TMC7: variants seen among roughly 807,000 people sequenced by gnomAD.
The protein encoded by TMC7 is transmembrane channel-like protein 7.
A neutral mutation model predicts 82.9 loss-of-function variants in TMC7; 54 were observed. The observed-to-expected ratio is 0.65, with a 90% CI of 0.52 to 0.82. The LOEUF (loss-of-function observed/expected upper bound fraction) is 0.82. Among genes scored for constraint, TMC7 ranks in the 40% least tolerant of loss-of-function variants. The probability of loss-of-function intolerance (pLI) is 0.00; values close to 1 mark genes in which losing one functional copy is unlikely to be tolerated. For synonymous variants in TMC7, 350 were observed against 337.9 expected (o/e 1.04, Z -0.39); for missense variants, 820 against 901.2 (o/e 0.91, Z 1.15).
At chr16:19,023,836 G>T (rs1960100387) in intron 5 of TMC7, among the ~76,000 whole-genome samples, 1 of 152,182 alleles carries the variant, frequency 6.6e-6, no homozygotes, top group South Asian at 2.1e-4. Context: ...CAGATAGAAT[G>T]TTTACAATTT....
intron 1 of TMC7, among the ~76,000 whole-genome samples, chr16:18,991,905 G>C (rs535532286): frequency 5.9e-5 from 9 of 152,306 alleles, no homozygotes; most frequent in Middle Eastern, 3.4e-3. Context: ...CGTCATCCAT[G>C]TTGCTACAAA....
chr16:19,061,283 G>C (rs1290772984), intron 15 of TMC7, among the ~76,000 whole-genome samples: 2 of 152,160 alleles, frequency 1.3e-5, no homozygotes. Context: ...AAAGTGCTGA[G>C]ATTACAGGCG....
At chr16:19,031,229 C>T (rs1960502080) in intron 6 of TMC7, among the ~76,000 whole-genome samples, 1 of 152,310 alleles carries the variant, frequency 6.6e-6, no homozygotes, top group African/African-American at 2.4e-5. Flanking sequence ...TTAGAAAAGA[C>T]TTGTTGTATC....
rs1961780059 is a variant in TMC7, at chr16:19,056,531, T to G, written c.1872-11T>G. 3.1e-6 allele frequency: 5 copies of G among 1,612,102 alleles called. No homozygotes were observed. The highest frequency in any genetic ancestry group is 4.2e-6 in the Non-Finnish European group (5 of 1,179,082). ...CGCTCCTTCTGAGCCCGTTGGTCTGTGTCCTGGCAGCATCCCTTCCTCGAA... is the reference window on the plus strand; with the variant it reads ...CGCTCCTTCTGAGCCCGTTGGTCTGGGTCCTGGCAGCATCCCTTCCTCGAA... On this transcript the variant is annotated splice_polypyrimidine_tract_variant and intron_variant, in intron 13 of 15. Transcript: ENST00000304381.
In TMC7 at chr16:18,986,866, G is replaced by A. The variant is rs557960340; in HGVS notation, c.67+2736G>A. On this transcript the variant is annotated intron_variant, in intron 1 of 15. Transcript: ENST00000304381. ...GTCGCCCAGGCTGAAGTGCAGTGGCGCGATCTCGGCTCACTGCAAGCTCCG... is the reference window on the plus strand; with the variant it reads ...GTCGCCCAGGCTGAAGTGCAGTGGCACGATCTCGGCTCACTGCAAGCTCCG... 8.3e-4 allele frequency among the ~76,000 whole-genome samples: 126 copies of A among 151,702 alleles called. 1 individual carries two copies. Among genetic ancestry groups the A allele is most frequent in the African/African-American group, 2.8e-3 (115 of 41,360 alleles).
intron 3 of TMC7, among the ~76,000 whole-genome samples, chr16:19,017,455 A>T (rs1352592242): frequency 6.6e-6 from 1 of 150,874 alleles, no homozygotes; most frequent in Non-Finnish European, 1.5e-5. Context: ...GCATAAATAT[A>T]TTATTTTAAA....
rs1262723138 is a variant in TMC7, at chr16:19,037,982, G to A, written c.1114G>A (p.Val372Ile). ...RLFLNCIVLAVLGACFYAIYV... is the reference protein window; with the variant it reads ...RLFLNCIVLAILGACFYAIYV... The stretch of plus-strand genomic sequence containing the variant: ...GTTTTTGAACTGTATTGTTCTGGCT[G>A]TTTTAGGGGCATGCTTTTATGCAAT... Residue 372 changes from valine (V) to isoleucine (I), a missense_variant, in exon 8 of 16, where the codon GTT becomes ATT. By Grantham distance (29) the Val-to-Ile change is conservative (BLOSUM62 3). This residue lies in a region of TMC7 where 650 missense variants were observed against 669.9 expected (regional missense o/e 0.97). Coordinates refer to ENST00000304381, the MANE Select transcript of TMC7 (RefSeq NM_024847.4). 1 of 1,613,970 alleles carries A rather than the reference G, an allele frequency of 6.2e-7. No homozygotes were observed. Among genetic ancestry groups the A allele is most frequent in the East Asian group, 2.2e-5 (1 of 44,888 alleles).
chr16:19,044,000 G>T (rs1961142526), intron 9 of TMC7, among the ~76,000 whole-genome samples: 2 of 151,940 alleles, frequency 1.3e-5, no homozygotes, highest in South Asian at 4.2e-4. Context: ...CTCTGAACTA[G>T]CTGGGACTAC....
chr16:19,031,607 G>T (rs1960518797), intron 6 of TMC7, among the ~76,000 whole-genome samples: 1 of 152,138 alleles, frequency 6.6e-6, no homozygotes, highest in East Asian at 1.9e-4. Context: ...GGAGGCGGAG[G>T]TTGCAGTGAG....
chr16:19,018,777 T>C (rs993907016), intron 3 of TMC7, among the ~76,000 whole-genome samples: 1 of 152,020 alleles, frequency 6.6e-6, no homozygotes, highest in Non-Finnish European at 1.5e-5. Flanking sequence ...CTCTATTTAA[T>C]CTAAAAATAA....
intron 1 of TMC7, among the ~76,000 whole-genome samples, chr16:19,005,145 A>T (rs2039216231): frequency 6.6e-6 from 1 of 151,316 alleles, no homozygotes; most frequent in African/African-American, 2.4e-5. Flanking sequence ...CTGGAGTGCA[A>T]TGGCAAAATC....
chr16:19,041,043 A>G (rs1411072338), intron 9 of TMC7, among the ~76,000 whole-genome samples: 1 of 151,508 alleles, frequency 6.6e-6, no homozygotes, highest in Non-Finnish European at 1.5e-5. Flanking sequence ...GACATGCACC[A>G]CCATGCCCAG....
At chr16:19,018,458 CTT>C (rs1959812342) in intron 3 of TMC7, among the ~76,000 whole-genome samples, 1 of 152,102 alleles carries the variant, frequency 6.6e-6, no homozygotes. Context: ...TCTGGTGTCT[CTT>C]TTTATAAGGA....
intron 1 of TMC7, among the ~76,000 whole-genome samples, chr16:18,994,397 T>C (rs2039004543): frequency 6.6e-6 from 1 of 150,884 alleles, no homozygotes; most frequent in Non-Finnish European, 1.5e-5. Context: ...TGTGTAAGAA[T>C]ACTGACTATC....
chr16:19,025,860 T>A (rs1370257048), intron 5 of TMC7, among the ~76,000 whole-genome samples: 1 of 151,366 alleles, frequency 6.6e-6, no homozygotes, highest in African/African-American at 2.4e-5. Flanking sequence ...GCTTAAGCCA[T>A]CCTTTCACCT....
intron 3 of TMC7, 98 bp from the exon 4 acceptor site, chr16:19,021,531 A>T (rs1959975035): frequency 2.3e-6 from 3 of 1,309,198 alleles, no homozygotes; most frequent in Non-Finnish European, 3.2e-6. Context: ...CCTTCCAGCT[A>T]CTGATTCCTC....
intron 1 of TMC7, among the ~76,000 whole-genome samples, chr16:18,997,211 T>C (rs1184592105): frequency 1.3e-5 from 2 of 152,196 alleles, no homozygotes; most frequent in African/African-American, 4.8e-5. Context: ...CTCACATGTC[T>C]ATGTGAAGAG....
Position 19,035,831 on chromosome 16 carries a change from C to T in TMC7, c.1005+8C>T. ...TTGCGGTACGAGCTCCGAGTGAGTG[C>T]TCCTGAGTTTGTCCGTGGTGGGGTC... On this transcript the variant is annotated splice_region_variant and intron_variant, in intron 7 of 15. Coordinates refer to ENST00000304381, the MANE Select transcript of TMC7 (RefSeq NM_024847.4). 6.4e-7 allele frequency: 1 copy of T among 1,562,760 alleles called. No individual in the cohort carries two copies.
At chr16:19,027,777 C>T (rs1391626397) in intron 5 of TMC7, among the ~76,000 whole-genome samples, 3 of 152,012 alleles carry the variant, frequency 2.0e-5, no homozygotes, top group Admixed American at 1.3e-4. Context: ...TAAGAATGCA[C>T]GGTTGTCTTG....
Sources: allele counts gnomAD v4.1 joint callset (sites outside exome capture counted in the v4.1 genomes callset), GRCh38; gene constraint gnomAD v4.1.1; regional missense constraint gnomAD v4.1.1; transcripts MANE v1.5; gene names NCBI Gene and HGNC (gene_info 2026-07-23, HGNC 2026-07-21).